Variants in KLF12 observed in about 807,000 individuals in gnomAD.
KLF12 encodes the protein KLF transcription factor 12, also known as Krueppel-like factor 12.
A neutral mutation model predicts 37.8 loss-of-function variants in KLF12; 9 were observed. The ratio of observed to expected loss-of-function variants is 0.24; its 90% CI spans 0.14 to 0.42. KLF12 has a LOEUF of 0.42. Ranked by LOEUF, KLF12 falls within the 10% of genes least tolerant of loss-of-function variation. The pLI is 1.00. For synonymous variants in KLF12, 208 were observed against 202.1 expected, an observed-to-expected ratio of 1.03 and a Z score of -0.25; for missense variants, 411 against 516.0, an observed-to-expected ratio of 0.80 and a Z score of 1.97.
At position 73,706,473 on chromosome 13, in the gene KLF12, T is replaced by C. The variant is rs137953078; in HGVS notation, c.1027+8895A>G. Among the ~76,000 whole-genome samples, 838 of 152,350 alleles carry C rather than the reference T, an allele frequency of 5.5e-3. 5 individuals carry two copies. Among genetic ancestry groups the C allele is most frequent in the Non-Finnish European group, 1.0e-2 (679 of 68,028 alleles). On this transcript the variant is annotated intron_variant, in intron 7 of 7. Transcript: ENST00000377669. The stretch of plus-strand genomic sequence containing the variant: ...AGAATGGTTGCCTACATTCCAATCA[T>C]TGTAAATCTTAAGCATGTGTGTCTA...
intron 1 of KLF12, among the ~76,000 whole-genome samples, chr13:74,063,077 TGTGCCGCACCTCCAGCTGCCTCG>T (rs2138659706): frequency 6.6e-6 from 1 of 152,338 alleles, no homozygotes; most frequent in South Asian, 2.1e-4. Flanking sequence ...GAGCTTCCTC[TGTGCCGCACCTCCAGCTGCCTCG>T]GTGCACCATG....
intron 3 of KLF12, among the ~76,000 whole-genome samples, chr13:73,933,052 G>A (rs1889759269): frequency 6.6e-6 from 1 of 152,156 alleles, no homozygotes; most frequent in Non-Finnish European, 1.5e-5. Flanking sequence ...CTTGTTGTGT[G>A]ATCTTACATG....
intron 3 of KLF12, among the ~76,000 whole-genome samples, chr13:73,911,580 G>A (rs1888571011): frequency 1.3e-5 from 2 of 152,214 alleles, no homozygotes; most frequent in African/African-American, 4.8e-5. Flanking sequence ...CAGTGGTTTA[G>A]AAGTTCACAG....
chr13:73,927,576 A>G (rs1167818675), intron 3 of KLF12, among the ~76,000 whole-genome samples: 1 of 151,734 alleles, frequency 6.6e-6, no homozygotes, highest in Non-Finnish European at 1.5e-5. Context: ...CTACCTCTTT[A>G]TTTTATTTTT....
intron 2 of KLF12, among the ~76,000 whole-genome samples, chr13:73,968,885 G>C: frequency 6.6e-6 from 1 of 152,042 alleles, no homozygotes; most frequent in East Asian, 1.9e-4. Flanking sequence ...GCTCTGCACA[G>C]ATCATCCATC....
chr13:74,184,550 T>C, the KLF12 span, among the ~76,000 whole-genome samples: 1 of 152,244 alleles, frequency 6.6e-6, no homozygotes, highest in African/African-American at 2.4e-5. Context: ...TAACCAACAT[T>C]CTTACAAATC....
intron 1 of KLF12, among the ~76,000 whole-genome samples, chr13:74,104,352 A>C (rs1464122864): frequency 6.6e-6 from 1 of 152,212 alleles, no homozygotes; most frequent in East Asian, 1.9e-4. Context: ...ACATTCACAT[A>C]AACTGAGATT....
Position 74,099,433 on chromosome 13 carries a change from T to C in KLF12, c.-32+34306A>G, listed in dbSNP as rs529629920. On this transcript the variant is annotated intron_variant, in intron 1 of 7. Coordinates refer to ENST00000377669, the MANE Select transcript of KLF12 (RefSeq NM_007249.5). Reference sequence around the variant, plus strand: ...GAACCCTTTACAATATAAATCTCATTTTGCTCAGAAACATGAGCTATCACC... The same window carrying C: ...GAACCCTTTACAATATAAATCTCATCTTGCTCAGAAACATGAGCTATCACC... 3.9e-5 allele frequency among the ~76,000 whole-genome samples: 6 copies of C among 152,252 alleles called. No homozygotes were observed. The South Asian group carries it at 1.2e-3, about 32-fold the overall frequency.
intron 1 of KLF12, among the ~76,000 whole-genome samples, chr13:74,106,851 T>C (rs1168229590): frequency 6.6e-6 from 1 of 151,952 alleles, no homozygotes; most frequent in South Asian, 2.1e-4. Context: ...CTCTATATTA[T>C]GATGGTAAAA....
intron 1 of KLF12, among the ~76,000 whole-genome samples, chr13:74,030,997 G>C (rs1385570281): frequency 6.6e-6 from 1 of 151,998 alleles, no homozygotes; most frequent in Non-Finnish European, 1.5e-5. Flanking sequence ...TATCTACAAG[G>C]TACTATATAT....
At chr13:74,204,266 G>T in the KLF12 span, among the ~76,000 whole-genome samples, 2 of 152,118 alleles carry the variant, frequency 1.3e-5, no homozygotes, top group African/African-American at 4.8e-5. Context: ...GCCCAGGGAA[G>T]GTTTTGAAAT....
intron 1 of KLF12, among the ~76,000 whole-genome samples, chr13:74,067,431 T>C (rs1873980433): frequency 6.6e-6 from 1 of 152,224 alleles, no homozygotes; most frequent in Non-Finnish European, 1.5e-5. Context: ...AAAGACCTGT[T>C]TGGCATTATC....
At chr13:74,177,987 G>A in the KLF12 span, among the ~76,000 whole-genome samples, 1 of 152,232 alleles carries the variant, frequency 6.6e-6, no homozygotes, top group Non-Finnish European at 1.5e-5. Context: ...CTCAGGTCTA[G>A]TCTTAAATGC....
In KLF12 at chr13:73,783,378, CAT is replaced by C. The variant is rs1438568751; in HGVS notation, c.807-18380_807-18379del. Among the ~76,000 whole-genome samples the C allele has an allele frequency of 3.3e-5, 5 of 152,146 alleles. No homozygotes were observed. In the South Asian group the frequency reaches 8.3e-4, roughly 25 times the overall value. On this transcript the variant is annotated intron_variant, in intron 5 of 7. Coordinates refer to ENST00000377669, the MANE Select transcript of KLF12 (RefSeq NM_007249.5). ...ATGTTCATTAATGGGTACAAACAAA[CAT>C]AAACTAAATAGAATAAGTTCCAGCG...
chr13:73,956,153 A>G (rs17288893), intron 2 of KLF12, among the ~76,000 whole-genome samples: 12,424 of 152,304 alleles, frequency 0.082, 674 homozygotes, highest in Admixed American at 0.12. Flanking sequence ...ATAACTGCAC[A>G]GCATTTACTC....
Position 73,845,885 on chromosome 13 carries a change from T to C in KLF12, c.612A>G (p.Gly204=). Residue 204 remains glycine, a synonymous_variant, in exon 4 of 8, where the codon GGA becomes GGG. Transcript: ENST00000377669. Reference sequence around the variant, plus strand: ...GCACGACAATAGTGTTGTTCACATTTCCAGGTGACCTTACAGCTGTGTAGA... The same window carrying C: ...GCACGACAATAGTGTTGTTCACATTCCCAGGTGACCTTACAGCTGTGTAGA... The C allele has an allele frequency of 6.2e-7, 1 of 1,614,162 alleles. No individual in the cohort carries two copies. The highest frequency in any genetic ancestry group is 8.5e-7 in the Non-Finnish European group (1 of 1,179,996).
At position 73,767,981 on chromosome 13, in the gene KLF12, G is replaced by C. The variant is rs565224670; in HGVS notation, c.807-2981C>G. Among the ~76,000 whole-genome samples, 37 of 152,220 alleles carry C rather than the reference G, an allele frequency of 2.4e-4. 1 individual carries two copies. Among genetic ancestry groups the C allele is most frequent in the African/African-American group, 8.7e-4 (36 of 41,512 alleles). On this transcript the variant is annotated intron_variant, in intron 5 of 7. Coordinates refer to ENST00000377669, the MANE Select transcript of KLF12 (RefSeq NM_007249.5). The stretch of plus-strand genomic sequence containing the variant: ...ATCATCAGCACTCATGAATTGCTGG[G>C]GGAAGGATACTGGTCCCACTTTACT...
At chr13:74,303,803 G>A in the KLF12 span, among the ~76,000 whole-genome samples, 1 of 152,066 alleles carries the variant, frequency 6.6e-6, no homozygotes, top group Non-Finnish European at 1.5e-5. Context: ...ACCTTGAATT[G>A]TCTTTTCCGA....
intron 2 of KLF12, among the ~76,000 whole-genome samples, chr13:73,977,949 T>C (rs1415417045): frequency 2.0e-5 from 3 of 152,224 alleles, no homozygotes; most frequent in Admixed American, 2.0e-4. Flanking sequence ...ACAGAGCTTA[T>C]ACCCTTTTAT....
Sources: allele counts gnomAD v4.1 joint callset (sites outside exome capture counted in the v4.1 genomes callset), GRCh38; gene constraint gnomAD v4.1.1; transcripts MANE v1.5; gene names NCBI Gene and HGNC (gene_info 2026-07-23, HGNC 2026-07-21).